NGF: variants seen among roughly 807,000 people sequenced by gnomAD.
The protein encoded by NGF is nerve growth factor.
NGF carries 4 observed loss-of-function variants against 12.8 expected under a neutral mutation model. That is an observed-to-expected ratio of 0.31 (90% CI 0.15 to 0.72). The LOEUF (loss-of-function observed/expected upper bound fraction) is 0.72. NGF is among the 30% of genes least tolerant of loss of function. The pLI, the probability that NGF is intolerant of heterozygous loss-of-function variation, is 0.69. For synonymous variants in NGF, 140 were observed against 130.0 expected, an observed-to-expected ratio of 1.08 and a Z score of -0.52; for missense variants, 283 against 330.8, an observed-to-expected ratio of 0.86 and a Z score of 1.12.
At chr1:115,287,393 G>A (rs554224311) in intron 2 of NGF, among the ~76,000 whole-genome samples, 4 of 152,208 alleles carry the variant, frequency 2.6e-5, no homozygotes, top group African/African-American at 4.8e-5. Context: ...TTCACAAAGC[G>A]TCATGTTTGG....
At chr1:115,321,502 C>T (rs558246974) in intron 1 of NGF, among the ~76,000 whole-genome samples, 29 of 150,942 alleles carry the variant, frequency 1.9e-4, no homozygotes, top group Admixed American at 7.9e-4. Context: ...TTTTTGAGTC[C>T]GAAAGGACTG....
intron 1 of NGF, among the ~76,000 whole-genome samples, chr1:115,302,397 TG>T (rs2101033953): frequency 6.6e-6 from 1 of 152,302 alleles, no homozygotes; most frequent in East Asian, 1.9e-4. Context: ...TCATTTTTCT[TG>T]TCCAGAATTT....
chr1:115,295,859 C>T (rs927289527), intron 1 of NGF, among the ~76,000 whole-genome samples: 13 of 152,092 alleles, frequency 8.5e-5, no homozygotes, highest in Admixed American at 6.6e-5. Flanking sequence ...CTTAAACTTG[C>T]AGGTCCTGTG....
At chr1:115,319,912 G>A (rs183209167) in intron 1 of NGF, among the ~76,000 whole-genome samples, 54 of 152,260 alleles carry the variant, frequency 3.5e-4, no homozygotes, top group Non-Finnish European at 5.7e-4. Context: ...AGGCGTGGGT[G>A]GTTGATAAAT....
intron 1 of NGF, among the ~76,000 whole-genome samples, chr1:115,337,408 C>T (rs899539630): frequency 6.6e-6 from 1 of 151,428 alleles, no homozygotes; most frequent in Non-Finnish European, 1.5e-5. Flanking sequence ...CTAGATCCTC[C>T]TCGCCTGAAC....
chr1:115,323,122 G>T (rs1316750970), intron 1 of NGF, among the ~76,000 whole-genome samples: 1 of 152,180 alleles, frequency 6.6e-6, no homozygotes, highest in Non-Finnish European at 1.5e-5. Context: ...CACATTGCTA[G>T]CAAGAAGGAA....
At chr1:115,306,148 C>T (rs1654196866) in intron 1 of NGF, among the ~76,000 whole-genome samples, 1 of 152,176 alleles carries the variant, frequency 6.6e-6, no homozygotes, top group South Asian at 2.1e-4. Context: ...ACAGTGTTTT[C>T]TCTGCTTGGT....
chr1:115,300,478 A>G (rs776376861), intron 1 of NGF, among the ~76,000 whole-genome samples: 6 of 152,184 alleles, frequency 3.9e-5, no homozygotes, highest in Non-Finnish European at 5.9e-5. Flanking sequence ...CTGCACCTCT[A>G]CCAACCTGCA....
At chr1:115,320,760 T>C (rs1410199776) in intron 1 of NGF, among the ~76,000 whole-genome samples, 1 of 152,236 alleles carries the variant, frequency 6.6e-6, no homozygotes. Context: ...GACCACTGTA[T>C]ATGAAGCCCA....
At position 115,292,287 on chromosome 1, in the gene NGF, G is replaced by A. The variant is rs566243863; in HGVS notation, c.-13+1340C>T. Among the ~76,000 whole-genome samples, 8 of 152,236 alleles carry A rather than the reference G, an allele frequency of 5.3e-5. No homozygotes were observed. In the East Asian group the frequency reaches 1.5e-3, roughly 29 times the overall value. ...GCTTCTGTTAGGACAGGATTTATTGGGAGGAGGCATGGCCTAGAAGGTACA... is the reference window on the plus strand; with the variant it reads ...GCTTCTGTTAGGACAGGATTTATTGAGAGGAGGCATGGCCTAGAAGGTACA... On this transcript the variant is annotated intron_variant, in intron 2 of 2. Transcript: ENST00000369512.
intron 1 of NGF, among the ~76,000 whole-genome samples, chr1:115,334,118 G>A (rs1466561240): frequency 6.6e-6 from 1 of 152,110 alleles, no homozygotes; most frequent in Non-Finnish European, 1.5e-5. Flanking sequence ...CATCCCTCGA[G>A]TGTAGTGTTG....
At chr1:115,322,919 T>G (rs546597299) in intron 1 of NGF, among the ~76,000 whole-genome samples, 1 of 152,300 alleles carries the variant, frequency 6.6e-6, no homozygotes, top group Admixed American at 6.5e-5. Context: ...GAAATCTTAC[T>G]TCCCAAGATT....
intron 1 of NGF, among the ~76,000 whole-genome samples, chr1:115,325,017 ATAAG>A: frequency 6.6e-6 from 1 of 152,348 alleles, no homozygotes; most frequent in South Asian, 2.1e-4. Flanking sequence ...GTATTAAAAA[ATAAG>A]TAAGGCAGGA....
intron 1 of NGF, among the ~76,000 whole-genome samples, chr1:115,313,229 G>C (rs1654379867): frequency 6.6e-6 from 1 of 152,238 alleles, no homozygotes; most frequent in African/African-American, 2.4e-5. Context: ...CTGGTTTAGA[G>C]AGTACTACTT....
rs561394933 is a variant in NGF, at chr1:115,331,375, C to T, written c.-137+6829G>A. Among the ~76,000 whole-genome samples, 78 of 152,304 alleles carry T rather than the reference C, an allele frequency of 5.1e-4. No individual in the cohort carries two copies. The South Asian group carries it at 5.6e-3, about 11-fold the overall frequency. On this transcript the variant is annotated intron_variant, in intron 1 of 2. Transcript: ENST00000369512. Reference sequence around the variant, plus strand: ...CTGCCTATGGGACAGCCCCTCACTGCCCTCCGAGGAGCCTCCCTGAAAGCC... The same window carrying T: ...CTGCCTATGGGACAGCCCCTCACTGTCCTCCGAGGAGCCTCCCTGAAAGCC...
chr1:115,294,125 C>A (rs11102916), intron 1 of NGF, among the ~76,000 whole-genome samples: 5,575 of 152,298 alleles, frequency 0.037, 169 homozygotes, highest in East Asian at 0.081. Flanking sequence ...CATAACAGAT[C>A]CAACTCTGAA....
chr1:115,313,896 A>G (rs554935501), intron 1 of NGF, among the ~76,000 whole-genome samples: 19 of 152,314 alleles, frequency 1.2e-4, no homozygotes, highest in Admixed American at 3.3e-4. Context: ...ACATTGTGTC[A>G]TGTTCTAGCC....
chr1:115,320,000 C>T lies in NGF; in HGVS notation c.-137+18204G>A, dbSNP rs151037675. Among the ~76,000 whole-genome samples, 705 of 152,286 alleles carry T rather than the reference C, an allele frequency of 4.6e-3. 3 individuals are homozygous for T. Among genetic ancestry groups the T allele is most frequent in the Non-Finnish European group, 6.8e-3 (462 of 68,038 alleles). On this transcript the variant is annotated intron_variant, in intron 1 of 2. Coordinates refer to ENST00000369512, the MANE Select transcript of NGF (RefSeq NM_002506.3). ...GCTGCCTGGTATTAACTCATGCGGACGTTCTGGATCCTGGGAGAATCCAGA... is the reference window on the plus strand; with the variant it reads ...GCTGCCTGGTATTAACTCATGCGGATGTTCTGGATCCTGGGAGAATCCAGA...
intron 1 of NGF, among the ~76,000 whole-genome samples, chr1:115,323,234 T>C (rs573079401): frequency 1.8e-4 from 27 of 152,186 alleles, no homozygotes; most frequent in African/African-American, 6.5e-4. Flanking sequence ...GCCCCTGGGA[T>C]GAGTATGGGT....
Sources: gnomAD v4.1 joint callset for allele counts (sites outside exome capture counted in the v4.1 genomes callset) on GRCh38, gnomAD v4.1.1 for gene constraint, MANE v1.5 for transcripts, NCBI Gene and HGNC (gene_info 2026-07-23, HGNC 2026-07-21) for gene names.